The following NLRX1 variants were observed in gnomAD, a reference collection of about 807,000 sequenced individuals.
The protein encoded by NLRX1 is NLR family member X1, also known as NOD-like receptor X1.
Under a neutral mutation model 74.2 loss-of-function variants are expected in NLRX1, and 67 were observed. The ratio of observed to expected loss-of-function variants is 0.90; its 90% CI spans 0.74 to 1.11. The LOEUF (loss-of-function observed/expected upper bound fraction) is 1.11, where lower values mean the gene tolerates loss of function less well. NLRX1 is among the 50% of genes least tolerant of loss of function. The probability of loss-of-function intolerance (pLI) is 0.00; values close to 1 mark genes in which losing one functional copy is unlikely to be tolerated. For missense variants in NLRX1, 1,191 were observed against 1,305.4 expected, an observed-to-expected ratio of 0.91 and a Z score of 1.35; for synonymous variants, 506 against 559.1, an observed-to-expected ratio of 0.91 and a Z score of 1.34.
At position 119,174,920 on chromosome 11, in the gene NLRX1, C is replaced by T; in HGVS notation, c.1317C>T (p.Ser439=). Residue 439 remains serine, a synonymous_variant, in exon 6 of 10, where the codon TCC becomes TCT. Coordinates refer to ENST00000409109, the MANE Select transcript of NLRX1 (RefSeq NM_001282144.2). Reference sequence around the variant, plus strand: ...AGTTGGCCTATGAGGGGGTGTCCTCCCGCAAGACCTACTTCTCTGAAGAGG... The same window carrying T: ...AGTTGGCCTATGAGGGGGTGTCCTCTCGCAAGACCTACTTCTCTGAAGAGG... The part of the protein sequence containing the change: ...MGKLAYEGVS[S]RKTYFSEEDV... 2 of 1,614,064 alleles carry T rather than the reference C, an allele frequency of 1.2e-6. No individual in the cohort carries two copies. Among genetic ancestry groups the T allele is most frequent in the Non-Finnish European group, 1.7e-6 (2 of 1,180,048 alleles).
chr11:119,183,056 T>C lies in NLRX1; in HGVS notation c.2607-62T>C. 1 of 1,465,380 alleles carries C rather than the reference T, an allele frequency of 6.8e-7. No homozygotes were observed. The allele number at this position is 1,465,380 out of a possible 1,614,324, so 90.8% of individuals were successfully genotyped here. A position where few individuals can be genotyped will look rare whatever the true frequency, so the allele number is the denominator to read the frequency against. On this transcript the variant is annotated intron_variant, in intron 9 of 9. Transcript: ENST00000409109. The surrounding 1 kb of genome is among the most constrained non-coding windows in gnomAD (Gnocchi z 5.7). Reference sequence around the variant, plus strand: ...GAGGCCCCCTGACTTTCCATCCATCTACCCTCGGGCCCTCCTTCTCAGAGC... The same window carrying C: ...GAGGCCCCCTGACTTTCCATCCATCCACCCTCGGGCCCTCCTTCTCAGAGC...
intron 6 of NLRX1, 129 bp downstream of exon 6, chr11:119,175,403 CA>C: frequency 2.6e-6 from 2 of 769,482 alleles, no homozygotes; most frequent in Non-Finnish European, 4.2e-6. Flanking sequence ...CTGCTTCCTG[CA>C]AAGGTATGAA....
chr11:119,176,842 T>C (rs966649493), intron 6 of NLRX1, among the ~76,000 whole-genome samples: 2 of 152,196 alleles, frequency 1.3e-5, no homozygotes, highest in African/African-American at 4.8e-5. Flanking sequence ...TTTTTATTTT[T>C]ATAGGCACCA....
chr11:119,174,234 G>A (rs1250591864), intron 5 of NLRX1, 136 bp downstream of exon 5: 2 of 1,224,050 alleles, frequency 1.6e-6, no homozygotes, highest in African/African-American at 1.5e-5. Flanking sequence ...CCAGCCTTCT[G>A]TTCCTTTCTT....
rs762528428 is a variant in NLRX1, at chr11:119,183,204, T to C, written c.2693T>C (p.Val898Ala). 29 of 1,614,016 alleles carry C rather than the reference T, an allele frequency of 1.8e-5. No individual in the cohort carries two copies. In the Admixed American group the frequency reaches 4.0e-4, roughly 22 times the overall value. Residue 898 changes from valine (V) to alanine (A), a missense_variant, in exon 10 of 10, where the codon GTG (valine) becomes GCG (alanine). By Grantham distance (64) the Val-to-Ala change is moderately conservative. Coordinates refer to ENST00000409109, the MANE Select transcript of NLRX1 (RefSeq NM_001282144.2). This position sits in a 1 kb window ranked among gnomAD's most constrained non-coding sequence, Gnocchi z 5.7. ...GCTGAAGGTGGTGCCCGGGTGGTGG[T>C]GTCACTGACAGAGGGGACGGCGGTG... The part of the protein sequence containing the change: ...GAAEGGARVV[V>A]SLTEGTAVSE...
intron 8 of NLRX1, 172 bp downstream of exon 8, chr11:119,181,429 C>T: frequency 1.7e-6 from 1 of 601,970 alleles, no homozygotes; most frequent in Non-Finnish European, 3.0e-6. Context: ...AGCAGGGCAG[C>T]AGGGAAACAT....
Position 119,173,417 on chromosome 11 carries a change from T to C in NLRX1, c.230-62T>C, listed in dbSNP as rs916019360. On this transcript the variant is annotated intron_variant, in intron 4 of 9. Transcript: ENST00000409109. The surrounding 1 kb of genome is among the most constrained non-coding windows in gnomAD (Gnocchi z 4.0). ...AGCCTGACCTCACCACCGCCCTGAT[T>C]GGCCCTAAGCTACATCTCCAGGCCC... The C allele has an allele frequency of 1.9e-6, 3 of 1,552,450 alleles. No homozygotes were observed. Among genetic ancestry groups the C allele is most frequent in the Non-Finnish European group, 8.7e-7 (1 of 1,147,498 alleles).
chr11:119,178,120 A>G (rs1381902587), intron 6 of NLRX1, among the ~76,000 whole-genome samples: 1 of 152,138 alleles, frequency 6.6e-6, no homozygotes. Context: ...GTGAGCTATG[A>G]TCACACCACT....
chr11:119,174,788 AAGCATCTATACC>A lies in NLRX1; in HGVS notation c.1189_1200del (p.Ile397_Ser400del). On this transcript the variant is annotated inframe_deletion, in exon 6 of 10. Transcript: ENST00000409109. ...CCACGCCTGCTGGGCAGACCCTTAC[AAGCATCTATACC>A]AGCTTCCTGCGCCTCAACTTCAGCG... The A allele has an allele frequency of 6.2e-7, 1 of 1,613,812 alleles. No homozygotes were observed. Among genetic ancestry groups the A allele is most frequent in the Admixed American group, 1.7e-5 (1 of 60,016 alleles).
At chr11:119,171,133 A>C (rs535125723) in intron 1 of NLRX1, among the ~76,000 whole-genome samples, 18 of 152,156 alleles carry the variant, frequency 1.2e-4, no homozygotes, top group African/African-American at 4.1e-4. Context: ...CATCTCAAAA[A>C]AGAAAAAAGA....
chr11:119,170,123 T>C (rs996866106), intron 1 of NLRX1, among the ~76,000 whole-genome samples: 5 of 147,974 alleles, frequency 3.4e-5, no homozygotes, highest in African/African-American at 1.3e-4. Context: ...AAGAATCCGG[T>C]GAGCCTGGGG....
At chr11:119,178,654 T>A (rs1314110728) in intron 6 of NLRX1, among the ~76,000 whole-genome samples, 1 of 150,758 alleles carries the variant, frequency 6.6e-6, no homozygotes, top group Admixed American at 6.6e-5. Flanking sequence ...AAGGAAGAAG[T>A]TGGGGGAGGG....
intron 6 of NLRX1, among the ~76,000 whole-genome samples, chr11:119,176,481 G>C (rs1330001144): frequency 2.6e-5 from 4 of 152,142 alleles, no homozygotes; most frequent in Non-Finnish European, 4.4e-5. Context: ...CACTTTGAGA[G>C]GCGAGGCAGG....
chr11:119,172,575 C>T, intron 3 of NLRX1, 150 bp downstream of exon 3: 1 of 667,284 alleles, frequency 1.5e-6, no homozygotes, highest in Admixed American at 2.6e-5. Context: ...GCTCCAAGGC[C>T]TGAGAGGAAG....
chr11:119,180,343 G>A, intron 7 of NLRX1, 55 bp downstream of exon 7: 2 of 1,403,390 alleles, frequency 1.4e-6, no homozygotes, highest in Non-Finnish European at 1.9e-6. Context: ...TGGAGGTGAA[G>A]AAGTGGGAAA....
chr11:119,177,121 G>A (rs765315838), intron 6 of NLRX1, among the ~76,000 whole-genome samples: 4 of 151,800 alleles, frequency 2.6e-5, no homozygotes, highest in Non-Finnish European at 5.9e-5. Flanking sequence ...TCGCTCTGTC[G>A]CCCAGGCTGG....
intron 6 of NLRX1, 75 bp downstream of exon 6, chr11:119,175,349 A>G (rs1948679167): frequency 7.7e-6 from 10 of 1,306,872 alleles, no homozygotes; most frequent in East Asian, 6.9e-5. Context: ...ACGCCCCCAC[A>G]TGGTTCCCTG....
In NLRX1 at chr11:119,179,812, G is replaced by A. The variant is rs1414461435; in HGVS notation, c.1791G>A (p.Met597Ile). ...DYYNDDVLDQ[M>I]GASILGVEGP... is the part of the protein sequence containing the mutation. ...ACAACGATGATGTTCTGGACCAGAT[G>A]GGCGCCAGTATCCTGGGCGTGGAGG... The change falls in exon 7 of 10, where the codon ATG becomes ATA. Residue 597 changes from methionine (M) to isoleucine (I), a missense_variant. Physicochemically the swap from Met to Ile is conservative, Grantham distance 10. Transcript: ENST00000409109. 1 of 1,614,196 alleles carries A rather than the reference G, an allele frequency of 6.2e-7. No homozygotes were observed. The highest frequency in any genetic ancestry group is 1.7e-5 in the Admixed American group (1 of 60,030).
At chr11:119,179,633 C>T (rs1948779300) in intron 6 of NLRX1, 60 bp from the exon 7 acceptor site, 3 of 1,460,996 alleles carry the variant, frequency 2.1e-6, no homozygotes, top group Non-Finnish European at 1.9e-6. Context: ...TTAAGCTGAA[C>T]CTTGAAGGCT....
Sources: gnomAD v4.1 joint callset for allele counts (sites outside exome capture counted in the v4.1 genomes callset) on GRCh38, gnomAD v4.1.1 for gene constraint, Gnocchi (gnomAD v3.1) non-coding constraint, MANE v1.5 for transcripts, NCBI Gene and HGNC (gene_info 2026-07-23, HGNC 2026-07-21) for gene names.